KCNQ1: variants seen among roughly 807,000 people sequenced by gnomAD.
KCNQ1 encodes potassium voltage-gated channel subfamily Q member 1, also known as potassium voltage-gated channel subfamily KQT member 1.
In KCNQ1, 49 loss-of-function variants were observed where a neutral mutation model predicts 72.4. The ratio of observed to expected loss-of-function variants is 0.68; its 90% CI spans 0.54 to 0.86. The LOEUF (loss-of-function observed/expected upper bound fraction) is 0.86, where lower values mean the gene tolerates loss of function less well. Ranked by LOEUF, KCNQ1 falls within the 40% of genes least tolerant of loss-of-function variation. The pLI is 0.00. For synonymous variants in KCNQ1, 450 were observed against 412.6 expected (o/e 1.09, Z -1.10); for missense variants, 790 against 945.1 (o/e 0.84, Z 2.15).
chr11:2,681,819 C>A lies in KCNQ1; in HGVS notation c.1514+19738C>A. 3 of 398,466 alleles carry A rather than the reference C, an allele frequency of 7.5e-6. No individual in the cohort carries two copies. The South Asian group carries it at 3.9e-4, about 51-fold the overall frequency. The allele number at this position is 398,466 out of a possible 1,614,324, so 24.7% of individuals were successfully genotyped here. Reference sequence around the variant, plus strand: ...AGTCCCTGCCTTCTCAGGTTATGGTCATATCATCCATGCTCCCCAAACATC... The same window carrying A: ...AGTCCCTGCCTTCTCAGGTTATGGTAATATCATCCATGCTCCCCAAACATC... On this transcript the variant is annotated intron_variant, in intron 11 of 15. Coordinates refer to ENST00000155840, the MANE Select transcript of KCNQ1 (RefSeq NM_000218.3).
rs571232820 is a variant in KCNQ1 at position 2,538,207 on chromosome 11, G to T, written c.477+10189G>T. Among the ~76,000 whole-genome samples the T allele has an allele frequency of 3.3e-5, 5 of 152,318 alleles. No individual in the cohort carries two copies. In the South Asian group the frequency reaches 1.0e-3, roughly 32 times the overall value. ...TCACTGGTCCCAGTGAGTGTGGCTG[G>T]TTTTTTCTCATTGCACATGGCTGTC... On this transcript the variant is annotated intron_variant, in intron 2 of 15. Transcript: ENST00000155840. This position sits in a 1 kb window ranked among gnomAD's most constrained non-coding sequence, Gnocchi z 6.7.
rs2133866775 is a variant in KCNQ1, at chr11:2,669,717, A to C, written c.1514+7636A>C. ...TGTTAGGCATCCAGCCACATACCTG[A>C]CTCGGGGAAATGCCTGAAAATATTA... On this transcript the variant is annotated intron_variant, in intron 11 of 15. Coordinates refer to ENST00000155840, the MANE Select transcript of KCNQ1 (RefSeq NM_000218.3). The surrounding 1 kb of genome is among the most constrained non-coding windows in gnomAD (Gnocchi z 5.6). 1 of 398,558 alleles carries C rather than the reference A, an allele frequency of 2.5e-6. No homozygotes were observed. Among genetic ancestry groups the C allele is most frequent in the Middle Eastern group, 6.3e-4 (1 of 1,590 alleles). The allele number at this position is 398,558 out of a possible 1,614,324, so 24.7% of individuals were successfully genotyped here. A position where few individuals can be genotyped will look rare whatever the true frequency, so the allele number is the denominator to read the frequency against.
At position 2,617,048 on chromosome 11, in the gene KCNQ1, T is replaced by C; in HGVS notation, c.1393+28194T>C. The C allele has an allele frequency of 2.5e-6, 1 of 398,148 alleles. No individual in the cohort carries two copies. Among genetic ancestry groups the C allele is most frequent in the East Asian group, 3.6e-5 (1 of 28,054 alleles). The allele number at this position is 398,148 out of a possible 1,614,324, so 24.7% of individuals were successfully genotyped here. A position where few individuals can be genotyped will look rare whatever the true frequency, so the allele number is the denominator to read the frequency against. ...GTTAACATAGTGATGCAAATTAATA[T>C]GTCCATCATCTCACAGTTATTCTTT... On this transcript the variant is annotated intron_variant, in intron 10 of 15. Transcript: ENST00000155840. The surrounding 1 kb of genome is among the most constrained non-coding windows in gnomAD (Gnocchi z 4.6).
rs918332550 is a variant in KCNQ1 at position 2,661,526 on chromosome 11, C to G, written c.1394-435C>G. The G allele has an allele frequency of 1.1e-5, 5 of 474,450 alleles. No homozygotes were observed. Among genetic ancestry groups the G allele is most frequent in the Non-Finnish European group, 1.8e-5 (5 of 270,494 alleles). The allele number at this position is 474,450 out of a possible 1,614,324, so 29.4% of individuals were successfully genotyped here. ...TGGGTCAGAGGTCCTATCACCCCAT[C>G]TTTCCTGACCCACTACTCTGTCAAT... On this transcript the variant is annotated intron_variant, in intron 10 of 15. Transcript: ENST00000155840. The surrounding 1 kb of genome is among the most constrained non-coding windows in gnomAD (Gnocchi z 5.9).
At position 2,458,867 on chromosome 11, in the gene KCNQ1, A is replaced by G. The variant is rs1448577411; in HGVS notation, c.386+13383A>G. ...TCAATGACCAAGAAATAACGGAGAG[A>G]AGGAGGAAAGAATCACCTATCCACC... On this transcript the variant is annotated intron_variant, in intron 1 of 15. Transcript: ENST00000155840. This position sits in a 1 kb window ranked among gnomAD's most constrained non-coding sequence, Gnocchi z 4.6. Among the ~76,000 whole-genome samples the G allele has an allele frequency of 1.3e-5, 2 of 152,198 alleles. No homozygotes were observed. Among genetic ancestry groups the G allele is most frequent in the African/African-American group, 4.8e-5 (2 of 41,440 alleles).
intron 10 of KCNQ1, chr11:2,625,125 T>G (rs1849242831): frequency 5.0e-6 from 2 of 398,536 alleles, no homozygotes; most frequent in Non-Finnish European, 8.8e-6. Context: ...ATCAGATAAT[T>G]CTGTTTTTAA....
intron 10 of KCNQ1, chr11:2,648,816 C>G (rs1424510398): frequency 2.5e-6 from 1 of 398,294 alleles, no homozygotes; most frequent in African/African-American, 2.1e-5. Flanking sequence ...GTTGCCATCC[C>G]TAACTATTAT....
Position 2,508,771 on chromosome 11 carries a change from T to G in KCNQ1, c.387-19157T>G, listed in dbSNP as rs552484925. The stretch of plus-strand genomic sequence containing the variant: ...GATGGGAAAGACTGTTGAACTAAGC[T>G]TTTTAGGAAGAAAGCCATCAATTCC... On this transcript the variant is annotated intron_variant, in intron 1 of 15. Transcript: ENST00000155840. The surrounding 1 kb of genome is among the most constrained non-coding windows in gnomAD (Gnocchi z 6.2). Among the ~76,000 whole-genome samples the G allele has an allele frequency of 6.6e-6, 1 of 152,320 alleles. No homozygotes were observed. The highest frequency in any genetic ancestry group is 2.1e-4 in the South Asian group (1 of 4,826).
intron 11 of KCNQ1, chr11:2,680,815 T>G: frequency 4.4e-6 from 1 of 228,584 alleles, no homozygotes. Flanking sequence ...TGGAACCACA[T>G]AGCAAATCAC....
At chr11:2,504,264 G>A (rs1031682801) in intron 1 of KCNQ1, among the ~76,000 whole-genome samples, 3 of 152,072 alleles carry the variant, frequency 2.0e-5, no homozygotes, top group African/African-American at 7.2e-5. Context: ...ACTTATTTGT[G>A]GGAGATAAAG....
intron 10 of KCNQ1, among the ~76,000 whole-genome samples, chr11:2,591,223 C>G (rs1251271248): frequency 6.6e-6 from 1 of 152,240 alleles, no homozygotes; most frequent in Non-Finnish European, 1.5e-5. Context: ...CAGGATGGCT[C>G]ACCTGCATCC....
rs1427414130 is a variant in KCNQ1, at chr11:2,602,768, G to GA, written c.1393+13915dup. Among the ~76,000 whole-genome samples the GA allele has an allele frequency of 5.9e-5, 9 of 152,224 alleles. No homozygotes were observed. Among genetic ancestry groups the GA allele is most frequent in the Middle Eastern group, 3.4e-3 (1 of 294 alleles). On this transcript the variant is annotated intron_variant, in intron 10 of 15. Transcript: ENST00000155840. This position sits in a 1 kb window ranked among gnomAD's most constrained non-coding sequence, Gnocchi z 4.8. ...ATATCATTTTTCCATTTCCCAATTA[G>GA]ACTTTTTGTTAACTGTCGAGTTTTG... is the stretch of plus-strand genomic sequence containing the variant.
chr11:2,587,148 C>T (rs948556758), intron 8 of KCNQ1, among the ~76,000 whole-genome samples: 1 of 152,212 alleles, frequency 6.6e-6, no homozygotes, highest in Non-Finnish European at 1.5e-5. Context: ...CTGGGCGACC[C>T]CTCTTTCTCA....
chr11:2,666,685 G>A (rs1341983693), intron 11 of KCNQ1: 1 of 398,554 alleles, frequency 2.5e-6, no homozygotes, highest in Non-Finnish European at 4.4e-6. Context: ...GCTTGGCCTG[G>A]GACATTTTGG....
At chr11:2,500,609 G>T (rs1420261077) in intron 1 of KCNQ1, among the ~76,000 whole-genome samples, 3 of 152,124 alleles carry the variant, frequency 2.0e-5, no homozygotes, top group African/African-American at 7.2e-5. Context: ...CAATAGCAAA[G>T]ACTTGGAACC....
chr11:2,580,836 G>A (rs797005522), intron 6 of KCNQ1, among the ~76,000 whole-genome samples: 87 of 152,330 alleles, frequency 5.7e-4, no homozygotes, highest in African/African-American at 2.0e-3. Context: ...TCCAGGCGGG[G>A]TGGGACTTGG....
chr11:2,584,105 CTGTA>C (rs1161707128), intron 7 of KCNQ1, among the ~76,000 whole-genome samples: 1 of 152,038 alleles, frequency 6.6e-6, no homozygotes, highest in Non-Finnish European at 1.5e-5. Flanking sequence ...TGTGTATGTA[CTGTA>C]TGTGTGCGTG....
intron 10 of KCNQ1, chr11:2,630,736 A>G (rs1251955891): frequency 2.5e-6 from 1 of 398,206 alleles, no homozygotes; most frequent in East Asian, 3.6e-5. Context: ...AGCCTGAATA[A>G]CTCCCTCTGG....
At chr11:2,655,653 G>T in intron 10 of KCNQ1, 1 of 398,662 alleles carries the variant, frequency 2.5e-6, no homozygotes. Context: ...CAGCACCAGT[G>T]TGTCTGGAAA....
Sources: gnomAD v4.1 joint callset for allele counts (sites outside exome capture counted in the v4.1 genomes callset) on GRCh38, gnomAD v4.1.1 for gene constraint, Gnocchi (gnomAD v3.1) non-coding constraint, MANE v1.5 for transcripts, NCBI Gene and HGNC (gene_info 2026-07-23, HGNC 2026-07-21) for gene names.